The following SAMD4A variants were observed in gnomAD, a reference collection of about 807,000 sequenced individuals.
The protein encoded by SAMD4A is protein Smaug homolog 1.
A neutral mutation model predicts 81.3 loss-of-function variants in SAMD4A; 33 were observed. The ratio of observed to expected loss-of-function variants is 0.41; its 90% CI spans 0.31 to 0.54. The LOEUF (loss-of-function observed/expected upper bound fraction) is 0.54, where lower values mean the gene tolerates loss of function less well. Among genes scored for constraint, SAMD4A ranks in the 20% least tolerant of loss-of-function variants. SAMD4A has a pLI of 0.37. For missense variants in SAMD4A, 854 were observed against 951.1 expected (o/e 0.90, Z 1.34); for synonymous variants, 389 against 382.1 (o/e 1.02, Z -0.21).
intron 6 of SAMD4A, among the ~76,000 whole-genome samples, chr14:54,752,869 A>C (rs1321937178): frequency 2.0e-5 from 3 of 152,204 alleles, no homozygotes; most frequent in South Asian, 2.1e-4. Flanking sequence ...GAGCAATAGA[A>C]TCTACATCAT....
At chr14:54,685,465 T>C (rs1191946392) in intron 2 of SAMD4A, among the ~76,000 whole-genome samples, 3 of 152,246 alleles carry the variant, frequency 2.0e-5, no homozygotes, top group African/African-American at 4.8e-5. Context: ...GAGGATTCCA[T>C]TGGATGTATA....
At chr14:54,708,413 G>A (rs185104106) in intron 3 of SAMD4A, among the ~76,000 whole-genome samples, 3 of 152,342 alleles carry the variant, frequency 2.0e-5, no homozygotes, top group South Asian at 4.1e-4. Context: ...TGAGTAGGTA[G>A]TGGGATATAT....
In SAMD4A at chr14:54,634,083, C is replaced by T. The variant is rs781238401; in HGVS notation, c.196+65971C>T. Among the ~76,000 whole-genome samples the T allele has an allele frequency of 3.5e-4, 53 of 152,090 alleles. No individual in the cohort carries two copies. The Middle Eastern group carries it at 0.017, about 49-fold the overall frequency. On this transcript the variant is annotated intron_variant, in intron 2 of 12. Coordinates refer to ENST00000554335, the MANE Select transcript of SAMD4A (RefSeq NM_015589.6). Reference sequence around the variant, plus strand: ...GGCAGATCATCTGAGGTCAGGAGTTCGAGACCAGCCTGGCCAAGATGGTGA... The same window carrying T: ...GGCAGATCATCTGAGGTCAGGAGTTTGAGACCAGCCTGGCCAAGATGGTGA...
chr14:54,712,347 C>T (rs1435844392), intron 3 of SAMD4A, among the ~76,000 whole-genome samples: 1 of 152,136 alleles, frequency 6.6e-6, no homozygotes, highest in Non-Finnish European at 1.5e-5. Context: ...ATTTCCTTAA[C>T]CCCTCATTTG....
intron 2 of SAMD4A, among the ~76,000 whole-genome samples, chr14:54,576,532 A>T (rs555197660): frequency 6.6e-6 from 1 of 152,346 alleles, no homozygotes; most frequent in East Asian, 1.9e-4. Flanking sequence ...TATTTAAAAC[A>T]TGATCTATGA....
rs1320604266 is a variant in SAMD4A, at chr14:54,577,797, A to C, written c.196+9685A>C. Among the ~76,000 whole-genome samples, 3 of 152,164 alleles carry C rather than the reference A, an allele frequency of 2.0e-5. No individual in the cohort carries two copies. In the East Asian group the frequency reaches 5.8e-4, roughly 29 times the overall value. On this transcript the variant is annotated intron_variant, in intron 2 of 12. Transcript: ENST00000554335. ...AGACAGAATGGCGGGGGGGCACTCGAAAGCCAGGGTGAACTGAGAAGAAGA... is the reference window on the plus strand; with the variant it reads ...AGACAGAATGGCGGGGGGGCACTCGCAAGCCAGGGTGAACTGAGAAGAAGA...
chr14:54,602,971 C>T (rs1251403816), intron 2 of SAMD4A, among the ~76,000 whole-genome samples: 1 of 152,190 alleles, frequency 6.6e-6, no homozygotes, highest in Non-Finnish European at 1.5e-5. Flanking sequence ...TACTGAATCC[C>T]AGCCTACCTT....
chr14:54,636,526 T>A (rs193267784), intron 2 of SAMD4A, among the ~76,000 whole-genome samples: 1 of 152,112 alleles, frequency 6.6e-6, no homozygotes, highest in East Asian at 1.9e-4. Flanking sequence ...GAGAATAAAC[T>A]TTAGGAGGGC....
At chr14:54,714,247 T>C (rs1173194062) in intron 3 of SAMD4A, among the ~76,000 whole-genome samples, 1 of 152,164 alleles carries the variant, frequency 6.6e-6, no homozygotes, top group East Asian at 1.9e-4. Context: ...TTAAAGGCAT[T>C]TGCAAAAACA....
At chr14:54,681,124 G>A (rs1393015817) in intron 2 of SAMD4A, among the ~76,000 whole-genome samples, 1 of 152,168 alleles carries the variant, frequency 6.6e-6, no homozygotes, top group Non-Finnish European at 1.5e-5. Flanking sequence ...ACCGATGGGG[G>A]ACCAGCTGTT....
rs560182083 is a variant in SAMD4A at position 54,766,329 on chromosome 14, CTAGGCAGGTTACAGTAGTGAGAGAAT to C, written c.1596+1815_1596+1840del. On this transcript the variant is annotated intron_variant, in intron 8 of 12. Coordinates refer to ENST00000554335, the MANE Select transcript of SAMD4A (RefSeq NM_015589.6). Reference sequence around the variant, plus strand: ...CATTCCCTAGATACTTACTGAGCACCTAGGCAGGTTACAGTAGTGAGAGAATTAGGCAGGTTACAGTAGTGAGAGAA... The same window carrying C: ...CATTCCCTAGATACTTACTGAGCACCTAGGCAGGTTACAGTAGTGAGAGAA... Among the ~76,000 whole-genome samples the C allele has an allele frequency of 2.5e-3, 388 of 152,270 alleles. 2 individuals are homozygous for C. Among genetic ancestry groups the C allele is most frequent in the African/African-American group, 8.4e-3 (349 of 41,548 alleles).
At chr14:54,644,012 G>A (rs2035231918) in intron 2 of SAMD4A, among the ~76,000 whole-genome samples, 1 of 152,212 alleles carries the variant, frequency 6.6e-6, no homozygotes, top group Non-Finnish European at 1.5e-5. Flanking sequence ...GGACAGCTGG[G>A]AGAAGCAGTC....
intron 3 of SAMD4A, among the ~76,000 whole-genome samples, chr14:54,706,665 G>A (rs2036867431): frequency 6.6e-6 from 1 of 151,964 alleles, no homozygotes; most frequent in Admixed American, 6.6e-5. Context: ...GCTTTTGCAG[G>A]GGAAATGGAA....
At chr14:54,754,995 T>G in intron 6 of SAMD4A, 1 of 276,638 alleles carries the variant, frequency 3.6e-6, no homozygotes, top group Non-Finnish European at 5.5e-6. Flanking sequence ...CTGATCGATG[T>G]CATCACCATA....
intron 3 of SAMD4A, among the ~76,000 whole-genome samples, chr14:54,721,014 C>A (rs759586558): frequency 2.6e-5 from 4 of 152,178 alleles, no homozygotes; most frequent in Non-Finnish European, 5.9e-5. Flanking sequence ...CATTTCCTGT[C>A]ATCTTCTCTC....
rs1033179913 is a variant in SAMD4A, at chr14:54,613,363, A to G, written c.196+45251A>G. On this transcript the variant is annotated intron_variant, in intron 2 of 12. Transcript: ENST00000554335. ...GGGTGAAATGAAGCAGGTAGCAGGT[A>G]TCACCTCTACTGGTAAGTAGGTTCA... Among the ~76,000 whole-genome samples, 10 of 152,294 alleles carry G rather than the reference A, an allele frequency of 6.6e-5. No individual in the cohort carries two copies. The South Asian group carries it at 1.0e-3, about 16-fold the overall frequency.
intron 2 of SAMD4A, among the ~76,000 whole-genome samples, chr14:54,610,674 C>T (rs1039537868): frequency 1.3e-5 from 2 of 152,176 alleles, no homozygotes; most frequent in African/African-American, 2.4e-5. Flanking sequence ...ACTATAAAGT[C>T]CGTGCTGAGT....
At position 54,573,334 on chromosome 14, in the gene SAMD4A, G is replaced by A. The variant is rs76478981; in HGVS notation, c.196+5222G>A. ...TAAAAGGCAGAGAAACTTCACAACA[G>A]TCAAATTGACTTGTTTTTGTTTAAA... On this transcript the variant is annotated intron_variant, in intron 2 of 12. Transcript: ENST00000554335. 2.6e-5 allele frequency among the ~76,000 whole-genome samples: 4 copies of A among 152,326 alleles called. No individual in the cohort carries two copies. In the East Asian group the frequency reaches 7.7e-4, roughly 29 times the overall value.
rs1032661836 is a variant in SAMD4A at position 54,762,974 on chromosome 14, C to T, written c.1511-1481C>T. On this transcript the variant is annotated intron_variant, in intron 7 of 12. Transcript: ENST00000554335. ...GGTTCATGCCATTCTCCTGCCTCAG[C>T]CTCCCGAGTAATTGGGACTACAGGC... Among the ~76,000 whole-genome samples, 5 of 151,912 alleles carry T rather than the reference C, an allele frequency of 3.3e-5. 1 individual carries two copies. The South Asian group carries it at 1.0e-3, about 32-fold the overall frequency.
Sources: gnomAD v4.1 joint callset for allele counts (sites outside exome capture counted in the v4.1 genomes callset) on GRCh38, gnomAD v4.1.1 for gene constraint, MANE v1.5 for transcripts, NCBI Gene and HGNC (gene_info 2026-07-23, HGNC 2026-07-21) for gene names.